The following CAMSAP2 variants were observed in gnomAD, a reference collection of about 807,000 sequenced individuals.
CAMSAP2 encodes calmodulin regulated spectrin associated protein family member 2.
Under a neutral mutation model 146.1 loss-of-function variants are expected in CAMSAP2, and 26 were observed. The ratio of observed to expected loss-of-function variants is 0.18; its 90% CI spans 0.13 to 0.25. The LOEUF (loss-of-function observed/expected upper bound fraction) is 0.25. CAMSAP2 is among the 10% of genes least tolerant of loss of function. The pLI is 1.00. For missense variants in CAMSAP2, 1,381 were observed against 1,759.3 expected, an observed-to-expected ratio of 0.78 and a Z score of 3.85; for synonymous variants, 499 against 596.6, an observed-to-expected ratio of 0.84 and a Z score of 2.38.
chr1:200,771,220 A>G (rs1665107750), intron 2 of CAMSAP2, among the ~76,000 whole-genome samples: 4 of 152,138 alleles, frequency 2.6e-5, no homozygotes, highest in Non-Finnish European at 5.9e-5. Flanking sequence ...CTCATATAAG[A>G]GATATATCTT....
At chr1:200,792,248 A>G (rs1489774686) in intron 2 of CAMSAP2, among the ~76,000 whole-genome samples, 1 of 152,232 alleles carries the variant, frequency 6.6e-6, no homozygotes, top group East Asian at 1.9e-4. Context: ...TTTATATTTC[A>G]TAATCTGAAA....
At chr1:200,787,332 A>G (rs140595850) in intron 2 of CAMSAP2, among the ~76,000 whole-genome samples, 13 of 152,370 alleles carry the variant, frequency 8.5e-5, no homozygotes, top group African/African-American at 2.9e-4. Context: ...AGATCAAAAT[A>G]TCAACATGAA....
intron 2 of CAMSAP2, among the ~76,000 whole-genome samples, chr1:200,793,780 T>A (rs1665814932): frequency 6.6e-6 from 1 of 152,196 alleles, no homozygotes; most frequent in Non-Finnish European, 1.5e-5. Context: ...TTGTAGCAAC[T>A]GGACTCACAA....
At position 200,848,337 on chromosome 1, in the gene CAMSAP2, C is replaced by T; in HGVS notation, c.1568C>T (p.Ala523Val). The T allele has an allele frequency of 3.1e-6, 5 of 1,613,754 alleles. No homozygotes were observed. The highest frequency in any genetic ancestry group is 4.2e-6 in the Non-Finnish European group (5 of 1,179,850). ...ATTCATTACAAGCTTCCAAATGGAG[C>T]TTTACAAAATAGAATACTTCTTGAC... ...ENIHYKLPNG[A>V]LQNRILLDEF... Residue 523 changes from alanine (A) to valine (V), a missense_variant, in exon 11 of 17, where the codon GCT (alanine) becomes GTT (valine). Around this residue, in one of 4 missense-constraint regions of CAMSAP2, gnomAD observed 447 missense variants for 462.2 expected, o/e 0.97. Transcript: ENST00000358823.
chr1:200,840,315 C>T lies in CAMSAP2; in HGVS notation c.928-1679C>T, dbSNP rs1250730128. Among the ~76,000 whole-genome samples the T allele has an allele frequency of 3.3e-5, 5 of 152,220 alleles. 1 individual carries two copies. Among genetic ancestry groups the T allele is most frequent in the East Asian group, 3.9e-4 (2 of 5,174 alleles). On this transcript the variant is annotated intron_variant, in intron 6 of 16. Transcript: ENST00000358823. The stretch of plus-strand genomic sequence containing the variant: ...TTATTTTTTTTTAGAGACAGGGTCT[C>T]ACTCTGTCACCCAGGCTGGAGTGCA...
intron 2 of CAMSAP2, among the ~76,000 whole-genome samples, chr1:200,783,101 T>A (rs1374922617): frequency 6.6e-6 from 1 of 152,180 alleles, no homozygotes; most frequent in Non-Finnish European, 1.5e-5. Flanking sequence ...TATGTATGTT[T>A]GACTATTAAG....
chr1:200,814,759 A>G (rs575877943), intron 3 of CAMSAP2, among the ~76,000 whole-genome samples: 5 of 152,262 alleles, frequency 3.3e-5, no homozygotes, highest in South Asian at 2.1e-4. Flanking sequence ...GTTGAGTTTA[A>G]AGGAAGAAAA....
chr1:200,740,531 G>C (rs1274929440), intron 1 of CAMSAP2, among the ~76,000 whole-genome samples: 1 of 152,168 alleles, frequency 6.6e-6, no homozygotes, highest in Admixed American at 6.5e-5. Flanking sequence ...TATTAAATCA[G>C]TTATTTAAAA....
Position 200,815,463 on chromosome 1 carries a change from TG to T in CAMSAP2, c.562-97del, listed in dbSNP as rs760077628. On this transcript the variant is annotated intron_variant, in intron 3 of 16. Transcript: ENST00000358823. ...AGACTGATATTTGACATCAGGGCTC[TG>T]ACTATAGGCATCTTAATGTGTGTTA... is the stretch of plus-strand genomic sequence containing the variant. 3.1e-4 allele frequency: 166 copies of T among 528,996 alleles called. 1 individual carries two copies. The highest frequency in any genetic ancestry group is 5.1e-4 in the Non-Finnish European group (160 of 316,660). 32.8% of individuals were successfully genotyped at this position (528,996 alleles called of 1,614,324 possible).
Position 200,848,093 on chromosome 1 carries a change from T to A in CAMSAP2, c.1324T>A (p.Ser442Thr), listed in dbSNP as rs1485958559. The change falls in exon 11 of 17, where the codon TCC becomes ACC. Residue 442 changes from serine to threonine, a missense_variant. Transcript: ENST00000358823. ...SFDKEDSVQR[S>T]TPNRGITRSI... ...TGATAAAGAAGATAGTGTACAGAGA[T>A]CCACTCCAAACCGAGGAATCACTCG... The A allele has an allele frequency of 2.5e-6, 4 of 1,606,220 alleles. No homozygotes were observed. The highest frequency in any genetic ancestry group is 1.7e-5 in the Admixed American group (1 of 59,056).
intron 9 of CAMSAP2, 69 bp from the exon 10 acceptor site, chr1:200,847,571 A>G (rs2102248081): frequency 8.5e-7 from 1 of 1,174,280 alleles, no homozygotes; most frequent in Non-Finnish European, 1.3e-6. Flanking sequence ...AATACATGAA[A>G]TCTCCTAAGT....
At chr1:200,766,629 C>G (rs1173000624) in intron 2 of CAMSAP2, among the ~76,000 whole-genome samples, 1 of 152,142 alleles carries the variant, frequency 6.6e-6, no homozygotes, top group Non-Finnish European at 1.5e-5. Flanking sequence ...CTGAACATCT[C>G]TGCTTTAACT....
At chr1:200,770,891 A>G (rs1252800581) in intron 2 of CAMSAP2, among the ~76,000 whole-genome samples, 2 of 152,228 alleles carry the variant, frequency 1.3e-5, no homozygotes, top group Non-Finnish European at 2.9e-5. Context: ...AAAGAGGTGT[A>G]GAAAGAAAAA....
chr1:200,817,247 C>CAT (rs1168415746), intron 4 of CAMSAP2, among the ~76,000 whole-genome samples: 1,761 of 13,852 alleles, frequency 0.13, 78 homozygotes, highest in African/African-American at 0.33. Flanking sequence ...CACATACACA[C>CAT]ATATGTGTGT....
chr1:200,816,891 TGTGTGTA>T (rs1666550034), intron 4 of CAMSAP2, among the ~76,000 whole-genome samples: 2 of 74,552 alleles, frequency 2.7e-5, no homozygotes, highest in African/African-American at 1.1e-4. Context: ...CGCGTGTGTA[TGTGTGTA>T]CACACACACG....
intron 2 of CAMSAP2, among the ~76,000 whole-genome samples, chr1:200,802,508 T>G (rs1666061213): frequency 6.6e-6 from 1 of 152,226 alleles, no homozygotes; most frequent in Non-Finnish European, 1.5e-5. Context: ...TTTGAAAAAC[T>G]ATAGAGTTTA....
chr1:200,848,590 A>G lies in CAMSAP2; in HGVS notation c.1821A>G (p.Glu607=). ...GALSPITDNT[E]VDTGIHVPSE... ...TGAGTCCCATAACTGACAATACTGAAGTAGACACTGGAATTCACGTTCCTT... is the reference window on the plus strand; with the variant it reads ...TGAGTCCCATAACTGACAATACTGAGGTAGACACTGGAATTCACGTTCCTT... Residue 607 remains glutamate, a synonymous_variant, in exon 11 of 17, where the codon GAA becomes GAG. Coordinates refer to ENST00000358823, the MANE Select transcript of CAMSAP2 (RefSeq NM_203459.4). The G allele has an allele frequency of 6.2e-7, 1 of 1,614,144 alleles. No individual in the cohort carries two copies. The highest frequency in any genetic ancestry group is 8.5e-7 in the Non-Finnish European group (1 of 1,179,946).
rs1419559343 is a variant in CAMSAP2, at chr1:200,807,470, C to G, written c.494C>G (p.Ser165Ter). 6.2e-7 allele frequency: 1 copy of G among 1,611,284 alleles called. No individual in the cohort carries two copies. Among genetic ancestry groups the G allele is most frequent in the Non-Finnish European group, 8.5e-7 (1 of 1,178,330 alleles). The change falls in exon 3 of 17, where the codon TCA becomes TGA. Residue 165 changes from serine to a stop codon, truncating the protein, a stop_gained. Transcript: ENST00000358823. LOFTEE classifies it high-confidence loss of function. The part of the protein sequence containing the change: ...EKVIACAQQY[S>*]AFFQATDLPY... The stretch of plus-strand genomic sequence containing the variant: ...GTAATTGCGTGTGCTCAGCAGTATT[C>G]AGCTTTTTTTCAAGCCACAGATCTG...
At chr1:200,807,872 C>G (rs1666223702) in intron 3 of CAMSAP2, among the ~76,000 whole-genome samples, 1 of 151,732 alleles carries the variant, frequency 6.6e-6, no homozygotes, top group Non-Finnish European at 1.5e-5. Flanking sequence ...TCCCAAGTAG[C>G]TGGGATTACA....
Sources: gnomAD v4.1 joint callset for allele counts (sites outside exome capture counted in the v4.1 genomes callset) on GRCh38, gnomAD v4.1.1 for gene constraint, gnomAD v4.1.1 regional missense constraint, MANE v1.5 for transcripts, NCBI Gene and HGNC (gene_info 2026-07-23, HGNC 2026-07-21) for gene names.